Variants in DYRK4 observed in about 807,000 individuals in gnomAD.
DYRK4 encodes the protein dual specificity tyrosine-phosphorylation-regulated kinase 4.
DYRK4 carries 64 observed loss-of-function variants against 68.3 expected under a neutral mutation model. The ratio of observed to expected loss-of-function variants is 0.94; its 90% confidence interval spans 0.77 to 1.15. DYRK4 has a LOEUF of 1.15. Ranked by LOEUF, DYRK4 falls within the 50% of genes most tolerant of loss-of-function variation. The probability of loss-of-function intolerance (pLI) is 0.00; values close to 1 mark genes in which losing one functional copy is unlikely to be tolerated. For synonymous variants in DYRK4, 274 were observed against 289.9 expected (o/e 0.95, Z 0.56); for missense variants, 740 against 764.7 (o/e 0.97, Z 0.38).
chr12:4,569,148 C>A (rs10849096), intron 2 of DYRK4, among the ~76,000 whole-genome samples: 1 of 152,006 alleles, frequency 6.6e-6, no homozygotes, highest in Non-Finnish European at 1.5e-5. Context: ...ACAAATGGAC[C>A]CTAATACAAA....
chr12:4,595,183 T>A (rs890506056), intron 6 of DYRK4, among the ~76,000 whole-genome samples: 2 of 152,218 alleles, frequency 1.3e-5, no homozygotes, highest in Non-Finnish European at 2.9e-5. Flanking sequence ...CTAACCTACA[T>A]GCATAGATCA....
rs781478696 is a variant in DYRK4, at chr12:4,567,932, A to G, written c.39-23A>G. 8 of 1,531,526 alleles carry G rather than the reference A, an allele frequency of 5.2e-6. No individual in the cohort carries two copies. The South Asian group carries it at 9.5e-5, about 18-fold the overall frequency. 94.9% of individuals were successfully genotyped at this position (1,531,526 alleles called of 1,614,324 possible). On this transcript the variant is annotated intron_variant, in intron 1 of 14. Coordinates refer to ENST00000543431, the MANE Select transcript of DYRK4 (RefSeq NM_001394779.1). ...TAGATTTGACTCCTCCTGCCAATTT[A>G]TTTTTTACTTTCCCTCATGCAGGAC...
intron 10 of DYRK4, among the ~76,000 whole-genome samples, chr12:4,601,248 C>T (rs1346177210): frequency 2.0e-5 from 3 of 152,218 alleles, no homozygotes; most frequent in Non-Finnish European, 4.4e-5. Context: ...CATTCACTCT[C>T]ACACACTGTT....
At chr12:4,566,495 G>A (rs61909599) in intron 1 of DYRK4, among the ~76,000 whole-genome samples, 2 of 152,186 alleles carry the variant, frequency 1.3e-5, no homozygotes, top group Non-Finnish European at 2.9e-5. Context: ...AAGCGTGAAG[G>A]CTTCCTCAGC....
In DYRK4 at chr12:4,562,241, G is replaced by A; in HGVS notation, c.-5G>A. The A allele has an allele frequency of 6.5e-7, 1 of 1,530,582 alleles. No homozygotes were observed. Among genetic ancestry groups the A allele is most frequent in the Non-Finnish European group, 8.7e-7 (1 of 1,144,424 alleles). The allele number at this position is 1,530,582 out of a possible 1,614,324, so 94.8% of individuals were successfully genotyped here. A position where few individuals can be genotyped will look rare whatever the true frequency, so the allele number is the denominator to read the frequency against. On this transcript the variant is annotated 5_prime_UTR_variant, in exon 1 of 15. Transcript: ENST00000543431. ...CCGCAGCGGCGGGCGGTCAGCGCCG[G>A]CCTCATGCAGCTCCTCCCGCCGCCT...
chr12:4,585,048 C>G (rs1198634310), intron 2 of DYRK4, among the ~76,000 whole-genome samples: 2 of 152,166 alleles, frequency 1.3e-5, no homozygotes, highest in African/African-American at 4.8e-5. Flanking sequence ...GAGACTGGAG[C>G]ACCCCTCACC....
At chr12:4,604,835 T>G in intron 10 of DYRK4, 79 bp from the exon 11 acceptor site, 56 of 1,453,436 alleles carry the variant, frequency 3.9e-5, no homozygotes, top group Non-Finnish European at 4.8e-5. Context: ...GCAGTCTAAC[T>G]GAGAAGTTGT....
intron 12 of DYRK4, among the ~76,000 whole-genome samples, chr12:4,607,950 T>G (rs1211481091): frequency 1.3e-5 from 2 of 152,104 alleles, no homozygotes; most frequent in East Asian, 3.9e-4. Flanking sequence ...TTGTTGGGAG[T>G]AAACTTCGTC....
intron 2 of DYRK4, among the ~76,000 whole-genome samples, chr12:4,576,037 G>A (rs1944785898): frequency 6.6e-6 from 1 of 152,178 alleles, no homozygotes; most frequent in Non-Finnish European, 1.5e-5. Context: ...ATTAGCTGAT[G>A]TTCATAGTTT....
At chr12:4,577,552 G>C (rs897304705) in intron 2 of DYRK4, among the ~76,000 whole-genome samples, 2 of 152,198 alleles carry the variant, frequency 1.3e-5, no homozygotes, top group African/African-American at 4.8e-5. Context: ...AGTAAGTCTT[G>C]AGGTTGGGTC....
intron 11 of DYRK4, among the ~76,000 whole-genome samples, 186 bp from the exon 12 acceptor site, chr12:4,607,141 C>CA (rs1565542874): frequency 2.0e-5 from 3 of 152,158 alleles, no homozygotes; most frequent in African/African-American, 7.2e-5. Flanking sequence ...GGATATGAAA[C>CA]CAGCCCTGGA....
chr12:4,596,696 G>C lies in DYRK4; in HGVS notation c.872G>C (p.Arg291Pro), dbSNP rs753404187. The C allele has an allele frequency of 6.2e-7, 1 of 1,614,102 alleles. No individual in the cohort carries two copies. The change falls in exon 8 of 15, where the codon CGC (arginine) becomes CCC (proline). Residue 291 changes from arginine to proline, a missense_variant. Arg to Pro is a moderately radical substitution (Grantham distance 103, BLOSUM62 -2). Around this residue, in one of 3 missense-constraint regions of DYRK4, gnomAD observed 614 missense variants for 603.7 expected, o/e 1.02. Coordinates refer to ENST00000543431, the MANE Select transcript of DYRK4 (RefSeq NM_001394779.1). ...VVHMKDFFYF[R>P]NHFCITFELL... Reference sequence around the variant, plus strand: ...CATATGAAGGACTTTTTCTACTTTCGCAATCACTTCTGCATCACCTTTGAG... The same window carrying C: ...CATATGAAGGACTTTTTCTACTTTCCCAATCACTTCTGCATCACCTTTGAG...
At position 4,596,742 on chromosome 12, in the gene DYRK4, T is replaced by G; in HGVS notation, c.905+13T>G. 1 of 1,612,932 alleles carries G rather than the reference T, an allele frequency of 6.2e-7. No homozygotes were observed. Among genetic ancestry groups the G allele is most frequent in the Non-Finnish European group, 8.5e-7 (1 of 1,179,840 alleles). On this transcript the variant is annotated intron_variant, in intron 8 of 14. Coordinates refer to ENST00000543431, the MANE Select transcript of DYRK4 (RefSeq NM_001394779.1). ...TTGAGCTCCTGGGGTCAGCTGCCTT[T>G]TCTTCTTAACTCATTTTCTCTGGAA... is the stretch of plus-strand genomic sequence containing the variant.
intron 10 of DYRK4, among the ~76,000 whole-genome samples, chr12:4,603,896 CA>C (rs1392753384): frequency 2.0e-5 from 3 of 152,178 alleles, no homozygotes; most frequent in African/African-American, 7.2e-5. Flanking sequence ...TCCCCCTTTG[CA>C]TATTTTCTGA....
At chr12:4,584,611 A>G (rs1291632367) in intron 2 of DYRK4, among the ~76,000 whole-genome samples, 2 of 133,548 alleles carry the variant, frequency 1.5e-5, no homozygotes, top group Non-Finnish European at 3.0e-5. Flanking sequence ...GCTGGAGTAC[A>G]CTGGTGCGAT....
chr12:4,610,794 A>T (rs1945211984), intron 13 of DYRK4, among the ~76,000 whole-genome samples: 1 of 152,246 alleles, frequency 6.6e-6, no homozygotes, highest in Non-Finnish European at 1.5e-5. Context: ...GCTGTAAACC[A>T]TTTATTATGT....
intron 8 of DYRK4, among the ~76,000 whole-genome samples, chr12:4,597,974 G>A (rs1035411598): frequency 6.6e-6 from 1 of 152,230 alleles, no homozygotes; most frequent in Non-Finnish European, 1.5e-5. Context: ...GCTGAGGCAG[G>A]AGAATCACTT....
Position 4,591,997 on chromosome 12 carries a change from A to G in DYRK4, c.463+699A>G, listed in dbSNP as rs10492055. Among the ~76,000 whole-genome samples, 11,746 of 152,262 alleles carry G rather than the reference A, an allele frequency of 0.077. 786 individuals are homozygous for G. Among genetic ancestry groups the G allele is most frequent in the East Asian group, 0.28 (1,427 of 5,172 alleles). ...AATGGGATTCAGAGACTCATAACCTATTAGGATGCAAAGGAAGAGAGCCCA... is the reference window on the plus strand; with the variant it reads ...AATGGGATTCAGAGACTCATAACCTGTTAGGATGCAAAGGAAGAGAGCCCA... On this transcript the variant is annotated intron_variant, in intron 5 of 14. Coordinates refer to ENST00000543431, the MANE Select transcript of DYRK4 (RefSeq NM_001394779.1). The surrounding 1 kb of genome is among the most constrained non-coding windows in gnomAD (Gnocchi z 4.1).
rs539582055 is a variant in DYRK4, at chr12:4,567,918, C to A, written c.39-37C>A. ...TGTGGGCCATTACTTAGATTTGACT[C>A]CTCCTGCCAATTTATTTTTTACTTT... is the stretch of plus-strand genomic sequence containing the variant. On this transcript the variant is annotated intron_variant, in intron 1 of 14. Transcript: ENST00000543431. 26 of 1,511,748 alleles carry A rather than the reference C, an allele frequency of 1.7e-5. No individual in the cohort carries two copies. In the East Asian group the frequency reaches 2.9e-4, roughly 17 times the overall value. The allele number at this position is 1,511,748 out of a possible 1,614,324, so 93.6% of individuals were successfully genotyped here.
Sources: gnomAD v4.1 joint callset for allele counts (sites outside exome capture counted in the v4.1 genomes callset) on GRCh38, gnomAD v4.1.1 for gene constraint, gnomAD v4.1.1 regional missense constraint, Gnocchi (gnomAD v3.1) non-coding constraint, MANE v1.5 for transcripts, NCBI Gene and HGNC (gene_info 2026-07-23, HGNC 2026-07-21) for gene names.